Variants in AMN1 observed in about 807,000 individuals in gnomAD.
AMN1 encodes protein AMN1 homolog.
A neutral mutation model predicts 33.0 loss-of-function variants in AMN1; 20 were observed. That is an observed-to-expected ratio of 0.61 (90% CI 0.43 to 0.88). The LOEUF (loss-of-function observed/expected upper bound fraction) is 0.88. AMN1 is among the 40% of genes least tolerant of loss of function. The pLI, the probability that AMN1 is intolerant of heterozygous loss-of-function variation, is 0.00. For missense variants in AMN1, 246 were observed against 307.4 expected (o/e 0.80, Z 1.49); for synonymous variants, 114 against 111.9 (o/e 1.02, Z -0.12).
intron 1 of AMN1, among the ~76,000 whole-genome samples, chr12:31,722,085 G>A (rs376124284): frequency 6.6e-6 from 1 of 151,702 alleles, no homozygotes; most frequent in South Asian, 2.1e-4. Flanking sequence ...ATTTTATGGT[G>A]TGTGGTCCCT....
chr12:31,724,285 G>A (rs1359879827), intron 1 of AMN1, among the ~76,000 whole-genome samples: 1 of 152,186 alleles, frequency 6.6e-6, no homozygotes. Context: ...CAATATGCCA[G>A]CATCAGTACT....
At chr12:31,713,440 C>CA (rs1399328494) in intron 1 of AMN1, among the ~76,000 whole-genome samples, 1 of 152,162 alleles carries the variant, frequency 6.6e-6, no homozygotes, top group East Asian at 1.9e-4. Context: ...TAAAAAATTT[C>CA]AAAAATACAG....
intron 6 of AMN1, among the ~76,000 whole-genome samples, chr12:31,677,880 G>C (rs1193115255): frequency 1.3e-5 from 2 of 152,100 alleles, no homozygotes; most frequent in Non-Finnish European, 2.9e-5. Flanking sequence ...CCTAGGAGCT[G>C]GCCATAAAGA....
At chr12:31,717,490 C>T (rs1053443689) in intron 1 of AMN1, among the ~76,000 whole-genome samples, 3 of 152,130 alleles carry the variant, frequency 2.0e-5, no homozygotes, top group African/African-American at 7.2e-5. Context: ...ATTGCTGGGT[C>T]AAATGGTATT....
At chr12:31,727,782 G>C (rs572676068) in intron 1 of AMN1, among the ~76,000 whole-genome samples, 17 of 152,232 alleles carry the variant, frequency 1.1e-4, no homozygotes, top group African/African-American at 4.1e-4. Flanking sequence ...AGCAGCCTAG[G>C]CGTGCAGTGG....
chr12:31,680,902 T>C (rs1937981470), intron 6 of AMN1, among the ~76,000 whole-genome samples: 1 of 152,144 alleles, frequency 6.6e-6, no homozygotes, highest in African/African-American at 2.4e-5. Context: ...AGGCCTTCCA[T>C]GTATCAAACA....
intron 3 of AMN1, among the ~76,000 whole-genome samples, chr12:31,701,450 A>G (rs1427696869): frequency 6.6e-6 from 1 of 152,050 alleles, no homozygotes; most frequent in Non-Finnish European, 1.5e-5. Flanking sequence ...GTGCACCACC[A>G]TGCCTGGCTA....
chr12:31,689,082 C>T lies in AMN1; in HGVS notation c.628G>A (p.Gly210Arg). The change falls in exon 6 of 7, where the codon GGG (glycine) becomes AGG (arginine). Residue 210 changes from glycine (G) to arginine (R), a missense_variant. Physicochemically the swap from Gly to Arg is moderately radical, Grantham distance 125. Transcript: ENST00000281471. ...HMGHCVNLTDGAVEAVLTYCP... is the reference protein window; with the variant it reads ...HMGHCVNLTDRAVEAVLTYCP... ...TAAGTAAGGACAGCTTCGACAGCCC[C>T]ATCAGTCAGATTTACACAATGTCCC... 6.2e-7 allele frequency: 1 copy of T among 1,613,456 alleles called. No individual in the cohort carries two copies.
At chr12:31,721,253 AAAG>A (rs1488133804) in intron 1 of AMN1, among the ~76,000 whole-genome samples, 7 of 152,182 alleles carry the variant, frequency 4.6e-5, no homozygotes, top group African/African-American at 1.7e-4. Flanking sequence ...TGGGGAAGAA[AAAG>A]AAGGACTTCC....
intron 6 of AMN1, among the ~76,000 whole-genome samples, chr12:31,676,511 A>G (rs528964546): frequency 2.7e-5 from 4 of 150,862 alleles, no homozygotes; most frequent in South Asian, 4.2e-4. Flanking sequence ...TTTAGTAGAG[A>G]TGGGGTTTCA....
chr12:31,717,200 T>C (rs1375341423), intron 1 of AMN1, among the ~76,000 whole-genome samples: 1 of 152,100 alleles, frequency 6.6e-6, no homozygotes, highest in Non-Finnish European at 1.5e-5. Context: ...ATGCGGTGTT[T>C]GGTTTTCTGT....
chr12:31,701,095 G>A (rs1565773582), intron 3 of AMN1, among the ~76,000 whole-genome samples: 1 of 151,690 alleles, frequency 6.6e-6, no homozygotes, highest in Non-Finnish European at 1.5e-5. Context: ...CACCTCCTAG[G>A]TTCAAGCGAT....
chr12:31,682,960 AT>A (rs1555185832), intron 6 of AMN1, among the ~76,000 whole-genome samples: 1 of 130,844 alleles, frequency 7.6e-6, no homozygotes, highest in Non-Finnish European at 1.6e-5. Context: ...GGGGTATGCT[AT>A]TCTTTTTTTT....
intron 6 of AMN1, among the ~76,000 whole-genome samples, chr12:31,677,564 A>G (rs1457926676): frequency 2.0e-5 from 3 of 152,172 alleles, no homozygotes; most frequent in Admixed American, 2.0e-4. Flanking sequence ...CTGTTCCCTT[A>G]TCTTTAAAAT....
intron 3 of AMN1, among the ~76,000 whole-genome samples, chr12:31,699,383 G>A (rs1938878810): frequency 1.1e-5 from 1 of 89,092 alleles, no homozygotes; most frequent in East Asian, 4.0e-4. Flanking sequence ...GCAATATGGT[G>A]AGACTCTGTC....
intron 5 of AMN1, among the ~76,000 whole-genome samples, chr12:31,691,629 T>C (rs1317642324): frequency 6.6e-6 from 1 of 152,142 alleles, no homozygotes; most frequent in Non-Finnish European, 1.5e-5. Flanking sequence ...AAGGGACATA[T>C]ATTATGAAGC....
chr12:31,696,129 C>T (rs1240036971), intron 5 of AMN1, among the ~76,000 whole-genome samples: 1 of 151,896 alleles, frequency 6.6e-6, no homozygotes, highest in East Asian at 2.0e-4. Context: ...CCCAGCTACT[C>T]AGGAGACTGA....
In AMN1 at chr12:31,686,798, G is replaced by A. The variant is rs191866889; in HGVS notation, c.703+2209C>T. Among the ~76,000 whole-genome samples the A allele has an allele frequency of 4.6e-3, 703 of 152,212 alleles. 3 individuals are homozygous for A. Among genetic ancestry groups the A allele is most frequent in the Non-Finnish European group, 8.2e-3 (558 of 68,006 alleles). ...ATGGCTTTTGCACCATTGTAAAGTC[G>A]AAAAACTGTAAATTGATCATTTTAA... On this transcript the variant is annotated intron_variant, in intron 6 of 6. Coordinates refer to ENST00000281471, the MANE Select transcript of AMN1 (RefSeq NM_001113402.2).
intron 6 of AMN1, among the ~76,000 whole-genome samples, chr12:31,676,625 A>G (rs971321730): frequency 6.6e-6 from 1 of 151,298 alleles, no homozygotes; most frequent in South Asian, 2.1e-4. Context: ...CCTGGCCAAC[A>G]CTTCCCAATT....
Sources: gnomAD v4.1 joint callset for allele counts (sites outside exome capture counted in the v4.1 genomes callset) on GRCh38, gnomAD v4.1.1 for gene constraint, MANE v1.5 for transcripts, NCBI Gene and HGNC (gene_info 2026-07-23, HGNC 2026-07-21) for gene names.